Variants in AGBL4 observed in about 807,000 individuals in gnomAD.
AGBL4 encodes AGBL carboxypeptidase 4, also known as cytosolic carboxypeptidase 6.
AGBL4 carries 58 observed loss-of-function variants against 66.4 expected under a neutral mutation model. That is an observed-to-expected ratio of 0.87 (90% CI 0.71 to 1.09). The LOEUF is 1.09. Ranked by LOEUF, AGBL4 falls within the 50% of genes least tolerant of loss-of-function variation. The pLI is 0.00. For synonymous variants in AGBL4, 234 were observed against 222.9 expected (o/e 1.05, Z -0.44); for missense variants, 579 against 631.0 (o/e 0.92, Z 0.88).
rs1553151849 is a variant in AGBL4, at chr1:49,948,055, T to TATATGTAA, written c.34+75707_34+75708insTTACATAT. On this transcript the variant is annotated intron_variant, in intron 1 of 13. Coordinates refer to ENST00000371839, the MANE Select transcript of AGBL4 (RefSeq NM_032785.4). ...ATATATACATATAAATATATAAATA[T>TATATGTAA]ATATATGTAAATATATGTAAATATA... 7.2e-3 allele frequency among the ~76,000 whole-genome samples: 692 copies of TATATGTAA among 95,656 alleles called. 7 individuals are homozygous for TATATGTAA. Among genetic ancestry groups the TATATGTAA allele is most frequent in the Middle Eastern group, 0.015 (2 of 130 alleles). The allele number at this position is 95,656 out of a possible 152,430, so 62.8% of individuals were successfully genotyped here.
chr1:49,838,425 CTGGGAAATGCGAT>C (rs1259748232), intron 2 of AGBL4, among the ~76,000 whole-genome samples: 6 of 152,142 alleles, frequency 3.9e-5, no homozygotes, highest in Non-Finnish European at 5.9e-5. Flanking sequence ...ACAACGAAGC[CTGGGAAATGCGAT>C]TTTCAGAATT....
chr1:48,931,145 C>T (rs1163418110), intron 5 of AGBL4, among the ~76,000 whole-genome samples: 3 of 152,138 alleles, frequency 2.0e-5, no homozygotes, highest in Non-Finnish European at 4.4e-5. Flanking sequence ...CAAAAGATGA[C>T]ACTGAGATGT....
At position 48,533,858 on chromosome 1, in the gene AGBL4, T is replaced by A. The variant is rs1643927343; in HGVS notation, c.*315A>T. 1 of 375,364 alleles carries A rather than the reference T, an allele frequency of 2.7e-6. No individual in the cohort carries two copies. The highest frequency in any genetic ancestry group is 2.1e-5 in the African/African-American group (1 of 48,068). 23.3% of individuals were successfully genotyped at this position (375,364 alleles called of 1,614,324 possible). A position where few individuals can be genotyped will look rare whatever the true frequency, so the allele number is the denominator to read the frequency against. Reference sequence around the variant, plus strand: ...GCTTTGAAAGAACTGACCTGATATGTGTCAAATCTCTTAAAAGGGATGTGT... The same window carrying A: ...GCTTTGAAAGAACTGACCTGATATGAGTCAAATCTCTTAAAAGGGATGTGT... On this transcript the variant is annotated 3_prime_UTR_variant, in exon 14 of 14. Transcript: ENST00000371839.
At chr1:49,185,793 G>A (rs1035570888) in intron 4 of AGBL4, among the ~76,000 whole-genome samples, 1 of 151,972 alleles carries the variant, frequency 6.6e-6, no homozygotes, top group African/African-American at 2.4e-5. Context: ...CAGAACTGGT[G>A]GTCCTTGACC....
intron 2 of AGBL4, among the ~76,000 whole-genome samples, chr1:49,759,117 T>C (rs559073787): frequency 1.6e-4 from 24 of 152,246 alleles, no homozygotes; most frequent in African/African-American, 5.1e-4. Context: ...CATGCCTGCT[T>C]CCCCTTCTGC....
intron 6 of AGBL4, among the ~76,000 whole-genome samples, chr1:48,728,498 T>TA (rs397791176): frequency 2.7e-5 from 4 of 149,320 alleles, no homozygotes; most frequent in African/African-American, 9.7e-5. Flanking sequence ...TTTTTTTTTT[T>TA]ACTCAAATGT....
intron 6 of AGBL4, among the ~76,000 whole-genome samples, chr1:48,783,604 A>G (rs961353117): frequency 6.6e-6 from 1 of 152,164 alleles, no homozygotes; most frequent in Admixed American, 6.5e-5. Flanking sequence ...CACCTCCATG[A>G]GCCTCAGCTT....
chr1:48,801,096 G>C, intron 6 of AGBL4, among the ~76,000 whole-genome samples: 1 of 152,128 alleles, frequency 6.6e-6, no homozygotes, highest in East Asian at 1.9e-4. Flanking sequence ...AGGGAAGTAG[G>C]GGGAAAGCTG....
intron 6 of AGBL4, among the ~76,000 whole-genome samples, chr1:48,675,389 A>T (rs542142568): frequency 1.8e-4 from 27 of 152,342 alleles, no homozygotes; most frequent in African/African-American, 5.8e-4. Context: ...TGTTTTTTTA[A>T]GAAGTTGAAG....
At chr1:48,917,211 AT>A (rs1240981332) in intron 5 of AGBL4, among the ~76,000 whole-genome samples, 2 of 151,986 alleles carry the variant, frequency 1.3e-5, no homozygotes, top group African/African-American at 2.4e-5. Flanking sequence ...TTAATGAACT[AT>A]TTTTTAAAGG....
intron 4 of AGBL4, among the ~76,000 whole-genome samples, chr1:49,142,500 T>C (rs931872855): frequency 6.6e-6 from 1 of 152,168 alleles, no homozygotes; most frequent in Non-Finnish European, 1.5e-5. Context: ...ATAAGATTAA[T>C]AACACCTGCC....
chr1:49,878,024 A>G (rs1231777858), intron 1 of AGBL4, among the ~76,000 whole-genome samples: 1 of 151,522 alleles, frequency 6.6e-6, no homozygotes, highest in Non-Finnish European at 1.5e-5. Flanking sequence ...ATCATTTTTT[A>G]TTGTGTCTCT....
chr1:49,750,003 C>T (rs1293844948), intron 2 of AGBL4, among the ~76,000 whole-genome samples: 2 of 152,054 alleles, frequency 1.3e-5, no homozygotes, highest in Non-Finnish European at 2.9e-5. Context: ...CAGAAATGGA[C>T]CCACATCAAT....
chr1:49,577,681 G>A (rs573024946), intron 3 of AGBL4, among the ~76,000 whole-genome samples: 6 of 152,256 alleles, frequency 3.9e-5, no homozygotes, highest in East Asian at 1.9e-4. Context: ...TGAGCAAGGC[G>A]CTCACTTTAC....
intron 1 of AGBL4, among the ~76,000 whole-genome samples, chr1:49,919,425 G>A (rs1651956664): frequency 6.6e-6 from 1 of 152,148 alleles, no homozygotes; most frequent in South Asian, 2.1e-4. Flanking sequence ...AAAATCACAA[G>A]CATTCTTATA....
chr1:49,641,257 TA>T (rs1558125085), intron 3 of AGBL4, among the ~76,000 whole-genome samples: 2 of 152,130 alleles, frequency 1.3e-5, no homozygotes, highest in Non-Finnish European at 2.9e-5. Flanking sequence ...ACTGATTAAT[TA>T]AGAGTTAATG....
chr1:49,780,691 A>T (rs1437757516), intron 2 of AGBL4, among the ~76,000 whole-genome samples: 4 of 152,140 alleles, frequency 2.6e-5, no homozygotes, highest in Non-Finnish European at 5.9e-5. Flanking sequence ...GTAAACATGG[A>T]CATTGTAAGT....
intron 5 of AGBL4, among the ~76,000 whole-genome samples, chr1:48,895,040 G>C (rs1651366560): frequency 6.6e-6 from 1 of 152,166 alleles, no homozygotes; most frequent in Admixed American, 6.5e-5. Context: ...AGACGTACCT[G>C]GGCAGTTAAC....
At chr1:49,741,962 C>A (rs1650527631) in intron 2 of AGBL4, among the ~76,000 whole-genome samples, 1 of 152,092 alleles carries the variant, frequency 6.6e-6, no homozygotes, top group African/African-American at 2.4e-5. Flanking sequence ...TGGGCAAAAA[C>A]TGGAAGCATT....
Sources: gnomAD v4.1 joint callset for allele counts (sites outside exome capture counted in the v4.1 genomes callset) on GRCh38, gnomAD v4.1.1 for gene constraint, MANE v1.5 for transcripts, NCBI Gene and HGNC (gene_info 2026-07-23, HGNC 2026-07-21) for gene names.